BDP1: variants seen among roughly 807,000 people sequenced by gnomAD.
BDP1 encodes the protein transcription factor TFIIIB component B'' homolog.
In BDP1, 169 loss-of-function variants were observed where a neutral mutation model predicts 266.6. That is an observed-to-expected ratio of 0.63 (90% CI 0.56 to 0.72). BDP1 has a LOEUF of 0.72. Ranked by LOEUF, BDP1 falls within the 30% of genes least tolerant of loss-of-function variation. The probability of loss-of-function intolerance (pLI) is 0.00; values close to 1 mark genes in which losing one functional copy is unlikely to be tolerated. For missense variants in BDP1, 3,015 were observed against 3,053.8 expected, an observed-to-expected ratio of 0.99 and a Z score of 0.30; for synonymous variants, 1,090 against 1,022.4, an observed-to-expected ratio of 1.07 and a Z score of -1.26.
At chr5:71,472,166 A>G (rs1196973714) in intron 7 of BDP1, among the ~76,000 whole-genome samples, 1 of 152,174 alleles carries the variant, frequency 6.6e-6, no homozygotes, top group Non-Finnish European at 1.5e-5. Flanking sequence ...TAAAGTGTAG[A>G]AAAGTGAGAG....
Position 71,539,471 on chromosome 5 carries a change from A to T in BDP1, c.5930-86A>T, listed in dbSNP as rs974169980. The T allele has an allele frequency of 3.3e-5, 34 of 1,018,988 alleles. No homozygotes were observed. In the South Asian group the frequency reaches 4.8e-4, roughly 14 times the overall value. 63.1% of individuals were successfully genotyped at this position (1,018,988 alleles called of 1,614,324 possible). A position where few individuals can be genotyped will look rare whatever the true frequency, so the allele number is the denominator to read the frequency against. On this transcript the variant is annotated intron_variant, in intron 27 of 38. Coordinates refer to ENST00000358731, the MANE Select transcript of BDP1 (RefSeq NM_018429.3). Reference sequence around the variant, plus strand: ...GGATATTGGAATCTGCTCCTAGGAGATAAACACCTTAATTAAAAATCTTTT... The same window carrying T: ...GGATATTGGAATCTGCTCCTAGGAGTTAAACACCTTAATTAAAAATCTTTT...
chr5:71,558,724 G>C (rs879613090), intron 36 of BDP1, among the ~76,000 whole-genome samples: 7 of 152,014 alleles, frequency 4.6e-5, no homozygotes, highest in Non-Finnish European at 1.0e-4. Flanking sequence ...TACTCGGCAG[G>C]CTGAGGCAGG....
In BDP1 at chr5:71,462,581, C is replaced by G. The variant is rs903523686; in HGVS notation, c.599+655C>G. ...CCAGCCCGGGCAACATGGTGAAACC[C>G]TGTCTCTACAAAAAGTACAAAAATT... On this transcript the variant is annotated intron_variant, in intron 3 of 38. Transcript: ENST00000358731. Among the ~76,000 whole-genome samples the G allele has an allele frequency of 2.6e-5, 4 of 151,904 alleles. No individual in the cohort carries two copies. In the East Asian group the frequency reaches 7.8e-4, roughly 30 times the overall value.
chr5:71,562,226 A>AAT, intron 37 of BDP1, 48 bp from the exon 38 acceptor site: 4 of 981,786 alleles, frequency 4.1e-6, no homozygotes, highest in Non-Finnish European at 5.9e-6. Flanking sequence ...AAAAAAAAGA[A>AAT]TGTGTCTTCC....
At chr5:71,533,514 A>G (rs1426406895) in intron 26 of BDP1, among the ~76,000 whole-genome samples, 2 of 141,758 alleles carry the variant, frequency 1.4e-5, no homozygotes, top group Non-Finnish European at 3.0e-5. Flanking sequence ...CACCCAAACT[A>G]GAGTGCAGTA....
At chr5:71,561,982 C>T (rs553979561) in intron 37 of BDP1, among the ~76,000 whole-genome samples, 4 of 151,994 alleles carry the variant, frequency 2.6e-5, no homozygotes, top group East Asian at 3.9e-4. Flanking sequence ...CGGTGGCTCA[C>T]GCCTGTAATT....
At chr5:71,557,905 T>G (rs1011068119) in intron 36 of BDP1, among the ~76,000 whole-genome samples, 1 of 152,200 alleles carries the variant, frequency 6.6e-6, no homozygotes, top group Non-Finnish European at 1.5e-5. Flanking sequence ...TTTTCAGGCT[T>G]AAGCCACCTA....
chr5:71,562,500 A>G lies in BDP1; in HGVS notation c.7723A>G (p.Ile2575Val). The change falls in exon 38 of 39, where the codon ATT becomes GTT. Residue 2575 changes from isoleucine (I) to valine (V), a missense_variant. Physicochemically the swap from Ile to Val is conservative, Grantham distance 29. Around this residue, in one of 3 missense-constraint regions of BDP1, gnomAD observed 629 missense variants for 632.5 expected, o/e 0.99. Coordinates refer to ENST00000358731, the MANE Select transcript of BDP1 (RefSeq NM_018429.3). ...PSVITTQSENISSSATQVSCD... is the reference protein window; with the variant it reads ...PSVITTQSENVSSSATQVSCD... The stretch of plus-strand genomic sequence containing the variant: ...TGTTATTACTACTCAATCTGAGAAT[A>G]TTAGCAGCTCAGCAACTCAGGTATG... 1 of 1,613,824 alleles carries G rather than the reference A, an allele frequency of 6.2e-7. No individual in the cohort carries two copies. Among genetic ancestry groups the G allele is most frequent in the Non-Finnish European group, 8.5e-7 (1 of 1,179,890 alleles).
chr5:71,571,909 A>G (rs771966557), downstream of BDP1, among the ~76,000 whole-genome samples: 64 of 152,322 alleles, frequency 4.2e-4, 1 homozygote, highest in Middle Eastern at 3.4e-3. Context: ...TTGGGAGCCG[A>G]AAAGGCCAAA....
rs770365624 is a variant in BDP1, at chr5:71,489,646, G to C, written c.1456G>C (p.Val486Leu). 1.9e-6 allele frequency: 3 copies of C among 1,613,296 alleles called. No homozygotes were observed. The highest frequency in any genetic ancestry group is 1.7e-6 in the Non-Finnish European group (2 of 1,179,834). Residue 486 changes from valine to leucine, a missense_variant, in exon 10 of 39, where the codon GTT becomes CTT. Physicochemically the swap from Val to Leu is conservative, Grantham distance 32. Coordinates refer to ENST00000358731, the MANE Select transcript of BDP1 (RefSeq NM_018429.3). ...GVNNLLENAT[V>L]QAGPSKGEKH... The stretch of plus-strand genomic sequence containing the variant: ...AAACAATCTTTTAGAAAATGCCACT[G>C]TTCAGGCGGGTCCTTCTAAAGGAGA...
In BDP1 at chr5:71,522,770, T is replaced by G. The variant is rs749267541; in HGVS notation, c.5208T>G (p.Leu1736=). 7 of 1,590,726 alleles carry G rather than the reference T, an allele frequency of 4.4e-6. 1 individual carries two copies. In the South Asian group the frequency reaches 5.8e-5, roughly 13 times the overall value. ...TTAAATTTAAGGAAAAAGCTGAGCT[T>G]CTGACATCTCTGGAGGTTTCAGCAA... ...TQLLLKEKAE[L]LTSLEVSARK... The change falls in exon 24 of 39, where the codon CTT becomes CTG. Residue 1736 remains leucine, a synonymous_variant. Transcript: ENST00000358731.
chr5:71,543,495 A>G (rs976775266), intron 30 of BDP1, among the ~76,000 whole-genome samples: 1 of 152,132 alleles, frequency 6.6e-6, no homozygotes, highest in African/African-American at 2.4e-5. Context: ...AGCTACTCAG[A>G]GGTTTGAGCT....
At chr5:71,514,808 A>G in intron 19 of BDP1, 136 bp from the exon 20 acceptor site, 2 of 514,746 alleles carry the variant, frequency 3.9e-6, no homozygotes, top group Non-Finnish European at 6.8e-6. Flanking sequence ...CTAGAAGTGG[A>G]ATTGCTGGGA....
Position 71,541,449 on chromosome 5 carries a change from T to A in BDP1, c.6023-5T>A. The A allele has an allele frequency of 2.7e-6, 3 of 1,092,722 alleles. No homozygotes were observed. Among genetic ancestry groups the A allele is most frequent in the Non-Finnish European group, 3.8e-6 (3 of 787,424 alleles). 67.7% of individuals were successfully genotyped at this position (1,092,722 alleles called of 1,614,324 possible). A position where few individuals can be genotyped will look rare whatever the true frequency, so the allele number is the denominator to read the frequency against. ...TTTAATTTTGTTTTTTTTTTTTTTC[T>A]TCAGTAGGAGTATGTATAATTCCTC... On this transcript the variant is annotated splice_polypyrimidine_tract_variant and splice_region_variant and intron_variant, in intron 28 of 38. Transcript: ENST00000358731.
Position 71,560,002 on chromosome 5 carries a change from G to A in BDP1, c.7261G>A (p.Asp2421Asn). The A allele has an allele frequency of 3.7e-6, 6 of 1,613,728 alleles. No homozygotes were observed. The highest frequency in any genetic ancestry group is 5.1e-6 in the Non-Finnish European group (6 of 1,179,998). The change falls in exon 37 of 39, where the codon GAT becomes AAT. Residue 2421 changes from aspartate to asparagine, a missense_variant. Transcript: ENST00000358731. The stretch of plus-strand genomic sequence containing the variant: ...TGAAGGGGAGTCTCACAAGGGACAA[G>A]ATATTTTTCTTACCTCAGGAAGCAC... ...EETGESHKGQ[D>N]IFLTSGSTLT...
chr5:71,532,218 G>A (rs759442445), intron 25 of BDP1, 90 bp from the exon 26 acceptor site: 17 of 1,101,546 alleles, frequency 1.5e-5, no homozygotes, highest in African/African-American at 3.1e-5. Context: ...TCATTTTAGC[G>A]TTTCATCTTA....
rs763147371 is a variant in BDP1 at position 71,522,836 on chromosome 5, A to T, written c.5274A>T (p.Lys1758Asn). 8.7e-6 allele frequency: 14 copies of T among 1,613,952 alleles called. No individual in the cohort carries two copies. In the East Asian group the frequency reaches 3.1e-4, roughly 36 times the overall value. Residue 1758 changes from lysine to asparagine, a missense_variant, in exon 24 of 39, where the codon AAA becomes AAT. Physicochemically the swap from Lys to Asn is moderately conservative, Grantham distance 94. Coordinates refer to ENST00000358731, the MANE Select transcript of BDP1 (RefSeq NM_018429.3). ...CVGSKESALAKIDAELEEVGP... is the reference protein window; with the variant it reads ...CVGSKESALANIDAELEEVGP... ...GTTCCAAAGAGTCTGCTTTGGCAAA[A>T]ATAGATGCGGAATTAGAAGAAGTTG...
intron 16 of BDP1, among the ~76,000 whole-genome samples, chr5:71,509,236 T>A (rs1764754763): frequency 6.6e-6 from 1 of 152,176 alleles, no homozygotes; most frequent in Admixed American, 6.5e-5. Flanking sequence ...GCTTCTATAC[T>A]GATTGACCTT....
intron 38 of BDP1, 74 bp from the exon 39 acceptor site, chr5:71,564,680 A>C: frequency 7.7e-7 from 1 of 1,303,360 alleles, no homozygotes; most frequent in Non-Finnish European, 1.1e-6. Flanking sequence ...TTAGACTGCT[A>C]TATATACACA....
Sources: gnomAD v4.1 joint callset for allele counts (sites outside exome capture counted in the v4.1 genomes callset) on GRCh38, gnomAD v4.1.1 for gene constraint, gnomAD v4.1.1 regional missense constraint, MANE v1.5 for transcripts, NCBI Gene and HGNC (gene_info 2026-07-23, HGNC 2026-07-21) for gene names.